The following LHFPL3 variants were observed in gnomAD, a reference collection of about 807,000 sequenced individuals.
LHFPL3 encodes LHFPL tetraspan subfamily member 3.
Under a neutral mutation model 19.3 loss-of-function variants are expected in LHFPL3, and 5 were observed. The observed-to-expected ratio is 0.26, with a 90% confidence interval of 0.14 to 0.54. The LOEUF is 0.54. Among genes scored for constraint, LHFPL3 ranks in the 20% least tolerant of loss-of-function variants. The pLI, the probability that LHFPL3 is intolerant of heterozygous loss-of-function variation, is 0.94. For missense variants in LHFPL3, 249 were observed against 307.4 expected, an observed-to-expected ratio of 0.81 and a Z score of 1.42; for synonymous variants, 133 against 126.2, an observed-to-expected ratio of 1.05 and a Z score of -0.36.
At chr7:104,363,283 T>C (rs1048040153) in intron 1 of LHFPL3, among the ~76,000 whole-genome samples, 1 of 152,252 alleles carries the variant, frequency 6.6e-6, no homozygotes, top group African/African-American at 2.4e-5. Context: ...TTCACTGTCA[T>C]AATTTTCCCA....
chr7:104,869,859 A>C (rs1791798456), intron 2 of LHFPL3, among the ~76,000 whole-genome samples: 1 of 152,250 alleles, frequency 6.6e-6, no homozygotes, highest in Admixed American at 6.5e-5. Context: ...CAACAATGGT[A>C]GACTGGATTA....
intron 2 of LHFPL3, among the ~76,000 whole-genome samples, chr7:104,875,730 G>A (rs1791926205): frequency 6.6e-6 from 1 of 152,152 alleles, no homozygotes; most frequent in Non-Finnish European, 1.5e-5. Flanking sequence ...CCACAATAAA[G>A]AGATAGGAGG....
At chr7:104,521,231 G>A (rs1488917705) in intron 1 of LHFPL3, among the ~76,000 whole-genome samples, 3 of 152,114 alleles carry the variant, frequency 2.0e-5, no homozygotes, top group Admixed American at 2.0e-4. Flanking sequence ...GGAGCAGGTT[G>A]TTCAGTTTCC....
At chr7:104,514,077 C>T (rs2018510) in intron 1 of LHFPL3, among the ~76,000 whole-genome samples, 42,839 of 152,040 alleles carry the variant, frequency 0.28, 6,510 homozygotes, top group East Asian at 0.41. Context: ...GCTCTCTTAA[C>T]ATTTCCTGCC....
At chr7:104,553,761 A>G (rs1038086589) in intron 1 of LHFPL3, among the ~76,000 whole-genome samples, 9 of 152,210 alleles carry the variant, frequency 5.9e-5, no homozygotes, top group Admixed American at 5.2e-4. Flanking sequence ...CTCTTTTGCC[A>G]TACTAACATC....
At chr7:104,427,022 T>G (rs890742171) in intron 1 of LHFPL3, among the ~76,000 whole-genome samples, 1 of 152,242 alleles carries the variant, frequency 6.6e-6, no homozygotes, top group Non-Finnish European at 1.5e-5. Flanking sequence ...TAAATAGTTA[T>G]AGAGTTCTGT....
intron 1 of LHFPL3, among the ~76,000 whole-genome samples, chr7:104,409,347 T>A (rs1791490884): frequency 6.6e-6 from 1 of 151,076 alleles, no homozygotes; most frequent in Non-Finnish European, 1.5e-5. Flanking sequence ...TGTGTCTGTG[T>A]GAAAGTTATC....
intron 1 of LHFPL3, among the ~76,000 whole-genome samples, chr7:104,647,075 G>T (rs905272008): frequency 1.3e-5 from 2 of 152,208 alleles, no homozygotes; most frequent in Non-Finnish European, 2.9e-5. Context: ...CAGTCTGGAA[G>T]TCTCAAGGGC....
At chr7:104,869,370 C>T (rs1791789269) in intron 2 of LHFPL3, among the ~76,000 whole-genome samples, 1 of 152,182 alleles carries the variant, frequency 6.6e-6, no homozygotes, top group African/African-American at 2.4e-5. Flanking sequence ...CCAGAATCTA[C>T]AATGAACTCC....
At chr7:104,352,821 C>T (rs780827791) in intron 1 of LHFPL3, among the ~76,000 whole-genome samples, 46 of 152,206 alleles carry the variant, frequency 3.0e-4, no homozygotes, top group Non-Finnish European at 4.6e-4. Flanking sequence ...CTGGGTTCCA[C>T]GGATGTGGGA....
chr7:104,630,514 A>C (rs193057163), intron 1 of LHFPL3, among the ~76,000 whole-genome samples: 6 of 152,350 alleles, frequency 3.9e-5, no homozygotes, highest in Non-Finnish European at 8.8e-5. Context: ...AGCTGCATAG[A>C]GACCATTGAC....
At chr7:104,783,092 A>G (rs537837819) in intron 2 of LHFPL3, among the ~76,000 whole-genome samples, 1 of 152,394 alleles carries the variant, frequency 6.6e-6, no homozygotes, top group Admixed American at 6.5e-5. Context: ...GCAAATCCTC[A>G]GGCCCAACTT....
At chr7:104,538,208 A>G (rs1195260566) in intron 1 of LHFPL3, among the ~76,000 whole-genome samples, 1 of 152,234 alleles carries the variant, frequency 6.6e-6, no homozygotes, top group East Asian at 1.9e-4. Context: ...CTATTCCACA[A>G]TGGCAAATCT....
intron 1 of LHFPL3, among the ~76,000 whole-genome samples, chr7:104,522,112 C>G (rs541385861): frequency 5.9e-5 from 9 of 152,114 alleles, no homozygotes; most frequent in Non-Finnish European, 8.8e-5. Context: ...GCATTATTCA[C>G]AATAGCAAAG....
intron 1 of LHFPL3, among the ~76,000 whole-genome samples, chr7:104,607,926 G>A (rs985022494): frequency 2.6e-5 from 4 of 152,076 alleles, no homozygotes; most frequent in Non-Finnish European, 5.9e-5. Flanking sequence ...TCAGAGAAAT[G>A]CAAATCAAAA....
At chr7:104,706,107 C>T (rs868660475) in intron 1 of LHFPL3, among the ~76,000 whole-genome samples, 1 of 152,120 alleles carries the variant, frequency 6.6e-6, no homozygotes, top group Admixed American at 6.5e-5. Flanking sequence ...CATTCTCAGG[C>T]CTCCATCTTC....
At position 104,430,419 on chromosome 7, in the gene LHFPL3, C is replaced by CATATATATATATGT. The variant is rs1791959935; in HGVS notation, c.445+101207_445+101208insGTATATATATATAT. The stretch of plus-strand genomic sequence containing the variant: ...ATATATATATACATATATATATATA[C>CATATATATATATGT]ATATATATATATATATATATATATA... On this transcript the variant is annotated intron_variant, in intron 1 of 2. Coordinates refer to ENST00000424859, the MANE Select transcript of LHFPL3 (RefSeq NM_199000.3). Among the ~76,000 whole-genome samples the CATATATATATATGT allele has an allele frequency of 5.7e-3, 84 of 14,644 alleles. 3 individuals carry two copies. The highest frequency in any genetic ancestry group is 9.2e-3 in the Non-Finnish European group (68 of 7,356). 9.6% of individuals were successfully genotyped at this position (14,644 alleles called of 152,430 possible). A position where few individuals can be genotyped will look rare whatever the true frequency, so the allele number is the denominator to read the frequency against.
chr7:104,714,627 T>C (rs1265595702), intron 1 of LHFPL3, among the ~76,000 whole-genome samples: 3 of 151,652 alleles, frequency 2.0e-5, no homozygotes, highest in African/African-American at 7.3e-5. Context: ...GGGAGGAAAA[T>C]GATACTTAAG....
rs1472598712 is a variant in LHFPL3, at chr7:104,907,874, A to G, written c.*1659A>G. Among the ~76,000 whole-genome samples the G allele has an allele frequency of 1.3e-5, 2 of 152,210 alleles. No individual in the cohort carries two copies. The highest frequency in any genetic ancestry group is 1.3e-4 in the Admixed American group (2 of 15,282). ...TTATGTTTCAAATGGCTAAAAGCAT[A>G]TTATGGGTATGCTCAAAGGAGTAAA... On this transcript the variant is annotated 3_prime_UTR_variant, in exon 3 of 3. Transcript: ENST00000424859.
Sources: allele counts gnomAD v4.1 joint callset (sites outside exome capture counted in the v4.1 genomes callset), GRCh38; gene constraint gnomAD v4.1.1; transcripts MANE v1.5; gene names NCBI Gene and HGNC (gene_info 2026-07-23, HGNC 2026-07-21).